The following MYO1B variants were observed in gnomAD, a reference collection of about 807,000 sequenced individuals.
MYO1B encodes the protein myosin IB.
MYO1B carries 72 observed loss-of-function variants against 159.7 expected under a neutral mutation model. The ratio of observed to expected loss-of-function variants is 0.45; its 90% CI spans 0.37 to 0.55. MYO1B has a LOEUF of 0.55. MYO1B is among the 20% of genes least tolerant of loss of function. The probability of loss-of-function intolerance (pLI) is 0.00; values close to 1 mark genes in which losing one functional copy is unlikely to be tolerated. For missense variants in MYO1B, 1,062 were observed against 1,364.8 expected, an observed-to-expected ratio of 0.78 and a Z score of 3.50; for synonymous variants, 468 against 473.8, an observed-to-expected ratio of 0.99 and a Z score of 0.16.
intron 4 of MYO1B, among the ~76,000 whole-genome samples, chr2:191,332,081 G>A (rs1316740605): frequency 6.6e-6 from 1 of 152,154 alleles, no homozygotes; most frequent in Non-Finnish European, 1.5e-5. Context: ...TCCTGGCTCA[G>A]CCTCCCAAGT....
chr2:191,414,641 A>T lies in MYO1B; in HGVS notation c.3131A>T (p.Asp1044Val), dbSNP rs1399818913. 6.2e-7 allele frequency: 1 copy of T among 1,612,568 alleles called. No homozygotes were observed. Among genetic ancestry groups the T allele is most frequent in the Non-Finnish European group, 8.5e-7 (1 of 1,179,494 alleles). Residue 1044 changes from aspartate (D) to valine (V), a missense_variant, in exon 29 of 31, where the codon GAT (aspartate) becomes GTT (valine). By Grantham distance (152) the Asp-to-Val change is radical (BLOSUM62 -3). Coordinates refer to ENST00000392318, the MANE Select transcript of MYO1B (RefSeq NM_001130158.3). ...VTKVSMSSQN[D>V]GFFAVHLKEG... ...AAGGTATCAATGAGCTCACAAAATG[A>T]TGGCTTCTTCGCCGTCCACCTCAAA...
chr2:191,419,395 C>T (rs1231271788), intron 30 of MYO1B, among the ~76,000 whole-genome samples: 2 of 151,732 alleles, frequency 1.3e-5, no homozygotes, highest in Non-Finnish European at 2.9e-5. Flanking sequence ...ATTTTTTGTA[C>T]TTTTAGTAGA....
At chr2:191,365,313 A>G (rs1241405502) in intron 11 of MYO1B, among the ~76,000 whole-genome samples, 1 of 152,202 alleles carries the variant, frequency 6.6e-6, no homozygotes. Context: ...TAAAGCCTCC[A>G]TAAATGGTAG....
intron 16 of MYO1B, among the ~76,000 whole-genome samples, chr2:191,386,676 GA>G (rs1178246208): frequency 9.2e-5 from 14 of 151,878 alleles, no homozygotes; most frequent in Non-Finnish European, 1.9e-4. Context: ...ACTTCAAAGG[GA>G]AAAAAACTTC....
intron 4 of MYO1B, among the ~76,000 whole-genome samples, chr2:191,335,642 A>C (rs536667547): frequency 6.2e-4 from 94 of 152,342 alleles, no homozygotes; most frequent in African/African-American, 2.2e-3. Flanking sequence ...TAAATGAAAG[A>C]AGATGATTAA....
Position 191,326,815 on chromosome 2 carries a change from T to TGC in MYO1B, c.252-3113_252-3112dup, listed in dbSNP as rs1553542801. Among the ~76,000 whole-genome samples the TGC allele has an allele frequency of 4.9e-3, 701 of 143,930 alleles. 5 individuals are homozygous for TGC. The highest frequency in any genetic ancestry group is 0.015 in the African/African-American group (577 of 38,682). 94.4% of individuals were successfully genotyped at this position (143,930 alleles called of 152,430 possible). On this transcript the variant is annotated intron_variant, in intron 3 of 30. Coordinates refer to ENST00000392318, the MANE Select transcript of MYO1B (RefSeq NM_001130158.3). ...GTGTGTGTGTGTGTGTGTGTGTGTG[T>TGC]GCGCGCGCCATATATGTTACTCATT...
At chr2:191,292,584 T>C (rs1476947010) in intron 2 of MYO1B, among the ~76,000 whole-genome samples, 1 of 152,090 alleles carries the variant, frequency 6.6e-6, no homozygotes, top group African/African-American at 2.4e-5. Flanking sequence ...AGACAATAGA[T>C]TGTAAATGTT....
At chr2:191,384,909 T>TGG (rs1695312084) in intron 15 of MYO1B, among the ~76,000 whole-genome samples, 1 of 152,222 alleles carries the variant, frequency 6.6e-6, no homozygotes, top group African/African-American at 2.4e-5. Context: ...ATGTTTGTTC[T>TGG]GGGGATGTTA....
At chr2:191,366,668 T>C (rs1694028433) in intron 11 of MYO1B, among the ~76,000 whole-genome samples, 1 of 152,130 alleles carries the variant, frequency 6.6e-6, no homozygotes, top group African/African-American at 2.4e-5. Flanking sequence ...TCCTCTGAAA[T>C]CTGATCCCAC....
intron 1 of MYO1B, among the ~76,000 whole-genome samples, chr2:191,249,542 G>A (rs1421610083): frequency 6.6e-6 from 1 of 152,192 alleles, no homozygotes; most frequent in Non-Finnish European, 1.5e-5. Context: ...TGTCCTTAGG[G>A]TGGCACTGAG....
At chr2:191,255,976 T>C (rs79971626) in intron 1 of MYO1B, among the ~76,000 whole-genome samples, 2 of 152,164 alleles carry the variant, frequency 1.3e-5, no homozygotes, top group Non-Finnish European at 2.9e-5. Context: ...GCCTTCTATG[T>C]TTTTTCCAGT....
In MYO1B at chr2:191,423,937, C is replaced by T. The variant is rs1444748519; in HGVS notation, c.3388C>T (p.Leu1130Phe). Residue 1130 changes from leucine to phenylalanine, a missense_variant, in exon 31 of 31, where the codon CTC (leucine) becomes TTC (phenylalanine). Around this residue, in one of 5 missense-constraint regions of MYO1B, gnomAD observed 609 missense variants for 744.4 expected, o/e 0.82. Coordinates refer to ENST00000392318, the MANE Select transcript of MYO1B (RefSeq NM_001130158.3). ...AACATGTAAACGAAAAAACAACCGTCTCCTTGAAGTTGCTGTCCCTTAACT... is the reference window on the plus strand; with the variant it reads ...AACATGTAAACGAAAAAACAACCGTTTCCTTGAAGTTGCTGTCCCTTAACT... Reference protein sequence around the residue: ...VPTCKRKNNRLLEVAVP With the variant: ...VPTCKRKNNRFLEVAVP The T allele has an allele frequency of 6.2e-7, 1 of 1,613,848 alleles. No homozygotes were observed.
chr2:191,395,114 G>A (rs1574595651), intron 20 of MYO1B, among the ~76,000 whole-genome samples: 1 of 152,166 alleles, frequency 6.6e-6, no homozygotes, highest in Admixed American at 6.5e-5. Context: ...GAATTTTCAA[G>A]TGAGATATAC....
intron 4 of MYO1B, among the ~76,000 whole-genome samples, chr2:191,339,752 G>T (rs964278824): frequency 6.6e-6 from 1 of 152,206 alleles, no homozygotes; most frequent in Non-Finnish European, 1.5e-5. Flanking sequence ...TCCAGAAACA[G>T]ACATCTTAGG....
intron 2 of MYO1B, among the ~76,000 whole-genome samples, chr2:191,291,405 C>T (rs1688677308): frequency 6.6e-6 from 1 of 152,158 alleles, no homozygotes; most frequent in Admixed American, 6.5e-5. Context: ...CTGTATGTGC[C>T]AATTATAGAA....
intron 1 of MYO1B, among the ~76,000 whole-genome samples, chr2:191,273,185 C>G (rs1296987369): frequency 3.9e-5 from 6 of 152,174 alleles, no homozygotes; most frequent in Non-Finnish European, 8.8e-5. Flanking sequence ...GTGGTGCAAT[C>G]TCAGCTCACT....
At chr2:191,394,916 T>G (rs931605176) in intron 20 of MYO1B, among the ~76,000 whole-genome samples, 46 of 152,244 alleles carry the variant, frequency 3.0e-4, no homozygotes, top group Non-Finnish European at 6.5e-4. Flanking sequence ...TTTGTTCTAA[T>G]GTTACATCTC....
intron 7 of MYO1B, among the ~76,000 whole-genome samples, chr2:191,353,709 T>C (rs1693075363): frequency 6.6e-6 from 1 of 152,216 alleles, no homozygotes; most frequent in Admixed American, 6.5e-5. Flanking sequence ...ATTACTTCAT[T>C]CTCTGTGCCT....
At chr2:191,370,789 A>AT (rs1694315961) in intron 13 of MYO1B, 1 of 152,418 alleles carries the variant, frequency 6.6e-6, no homozygotes, top group Admixed American at 6.5e-5. Flanking sequence ...GAGAAAGAGG[A>AT]TTTGGATTAG....
Sources: allele counts gnomAD v4.1 joint callset (sites outside exome capture counted in the v4.1 genomes callset), GRCh38; gene constraint gnomAD v4.1.1; regional missense constraint gnomAD v4.1.1; transcripts MANE v1.5; gene names NCBI Gene and HGNC (gene_info 2026-07-23, HGNC 2026-07-21).